NDE1: variants seen among roughly 807,000 people sequenced by gnomAD.
The protein encoded by NDE1 is nudE neurodevelopment protein 1, also known as nuclear distribution protein nudE homolog 1.
A neutral mutation model predicts 43.4 loss-of-function variants in NDE1; 28 were observed. The observed-to-expected ratio is 0.65, with a 90% CI of 0.48 to 0.89. NDE1 has a LOEUF of 0.89. NDE1 is among the 40% of genes least tolerant of loss of function. The pLI, the probability that NDE1 is intolerant of heterozygous loss-of-function variation, is 0.00. For synonymous variants in NDE1, 184 were observed against 172.0 expected, an observed-to-expected ratio of 1.07 and a Z score of -0.55; for missense variants, 441 against 434.1, an observed-to-expected ratio of 1.02 and a Z score of -0.14.
intron 6 of NDE1, among the ~76,000 whole-genome samples, 159 bp downstream of exon 6, chr16:15,691,482 G>A (rs1417411390): frequency 2.6e-5 from 4 of 152,080 alleles, no homozygotes; most frequent in East Asian, 3.9e-4. Flanking sequence ...TCTTGGGGAT[G>A]GGCATTGAGA....
At chr16:15,712,069 A>G (rs2039832464) in intron 8 of NDE1, among the ~76,000 whole-genome samples, 1 of 152,122 alleles carries the variant, frequency 6.6e-6, no homozygotes, top group African/African-American at 2.4e-5. Context: ...CCAAAACGTT[A>G]AGAAGGACCA....
In NDE1 at chr16:15,696,745, G is replaced by A. The variant is rs199730431; in HGVS notation, c.832G>A (p.Val278Met). The change falls in exon 8 of 9, where the codon GTG becomes ATG. Residue 278 changes from valine (V) to methionine (M), a missense_variant. Transcript: ENST00000396354. ...ESKLASCRNL[V>M]YDQSPNRTGG... ...CAAACTCGCTTCCTGCCGGAACCTCGTGTACGATCAGTCCCCAAACCGAAC... is the reference window on the plus strand; with the variant it reads ...CAAACTCGCTTCCTGCCGGAACCTCATGTACGATCAGTCCCCAAACCGAAC... 3.7e-5 allele frequency: 59 copies of A among 1,614,088 alleles called. No homozygotes were observed. The highest frequency in any genetic ancestry group is 6.7e-5 in the Admixed American group (4 of 59,988).
chr16:15,677,761 A>G, intron 3 of NDE1, 40 bp from the exon 4 acceptor site: 3 of 1,613,064 alleles, frequency 1.9e-6, no homozygotes, highest in Non-Finnish European at 2.5e-6. Context: ...CCTTCTCAGA[A>G]GTCTTAAGTC....
chr16:15,660,202 G>C (rs2036976047), intron 1 of NDE1, among the ~76,000 whole-genome samples: 1 of 152,082 alleles, frequency 6.6e-6, no homozygotes, highest in African/African-American at 2.4e-5. Flanking sequence ...TTCTTGCTGG[G>C]TGTGGTGGCT....
In NDE1 at chr16:15,725,146, A is replaced by AC; in HGVS notation, c.*895_*896insC. 1 of 661,156 alleles carries AC rather than the reference A, an allele frequency of 1.5e-6. No individual in the cohort carries two copies. Among genetic ancestry groups the AC allele is most frequent in the Admixed American group, 2.7e-5 (1 of 37,408 alleles). 41.0% of individuals were successfully genotyped at this position (661,156 alleles called of 1,614,324 possible). A position where few individuals can be genotyped will look rare whatever the true frequency, so the allele number is the denominator to read the frequency against. On this transcript the variant is annotated 3_prime_UTR_variant, in exon 9 of 9. Coordinates refer to ENST00000396354, the MANE Select transcript of NDE1 (RefSeq NM_017668.3). ...TATGGGACTCTGATAAAAAAAAAAAAAAACACACACACACACAAAAAAAAC... is the reference window on the plus strand; with the variant it reads ...TATGGGACTCTGATAAAAAAAAAAAACAAACACACACACACACAAAAAAAAC...
At chr16:15,652,452 C>T (rs1246006322) in intron 1 of NDE1, among the ~76,000 whole-genome samples, 1 of 152,180 alleles carries the variant, frequency 6.6e-6, no homozygotes, top group Non-Finnish European at 1.5e-5. Flanking sequence ...TTTGTGCCTG[C>T]AGTTAGTACT....
intron 8 of NDE1, chr16:15,718,285 G>C (rs778120108): frequency 1.9e-6 from 3 of 1,606,422 alleles, no homozygotes; most frequent in African/African-American, 1.3e-5. Context: ...ACAGTAGGCA[G>C]CGTGACTGTG....
chr16:15,696,983 T>C, intron 8 of NDE1, 123 bp downstream of exon 8: 2 of 1,540,418 alleles, frequency 1.3e-6, no homozygotes, highest in South Asian at 1.2e-5. Context: ...CAGCAAACCT[T>C]ATCCTCTCCT....
At chr16:15,650,741 G>T (rs908326008) in intron 1 of NDE1, among the ~76,000 whole-genome samples, 1 of 151,666 alleles carries the variant, frequency 6.6e-6, no homozygotes, top group Non-Finnish European at 1.5e-5. Context: ...GATGACCCTC[G>T]TTTCTTTTCT....
chr16:15,724,291 GC>G lies in NDE1; in HGVS notation c.*42del. 1 of 1,614,130 alleles carries G rather than the reference GC, an allele frequency of 6.2e-7. No individual in the cohort carries two copies. The highest frequency in any genetic ancestry group is 2.2e-5 in the East Asian group (1 of 44,884). On this transcript the variant is annotated 3_prime_UTR_variant, in exon 9 of 9. Transcript: ENST00000396354. ...CTTTTCCAGTTTATCATAAGCGGCC[GC>G]CTTCTCCTCGTACTGCTGGGTGAGG...
chr16:15,719,128 G>A (rs1283538140), intron 8 of NDE1: 21 of 1,339,012 alleles, frequency 1.6e-5, no homozygotes, highest in East Asian at 2.4e-5. Flanking sequence ...ACTCTGTCTC[G>A]AAAAAATTTA....
intron 1 of NDE1, among the ~76,000 whole-genome samples, chr16:15,653,612 A>G (rs1311831887): frequency 6.7e-6 from 1 of 149,636 alleles, no homozygotes; most frequent in East Asian, 2.0e-4. Context: ...GCTGAAAGAG[A>G]TTGCTTTGCT....
chr16:15,715,294 G>T, intron 8 of NDE1: 2 of 1,613,376 alleles, frequency 1.2e-6, no homozygotes, highest in Non-Finnish European at 1.7e-6. Context: ...AAGGAAAACA[G>T]GTGGTTTCAG....
At chr16:15,698,856 TTCTC>T (rs908585975) in intron 8 of NDE1, among the ~76,000 whole-genome samples, 6 of 150,510 alleles carry the variant, frequency 4.0e-5, no homozygotes, top group African/African-American at 1.0e-4. Flanking sequence ...GTGAGACTCT[TTCTC>T]AAGAAAAAAA....
At chr16:15,719,786 G>A (rs2040369871) in intron 8 of NDE1, 2 of 1,595,624 alleles carry the variant, frequency 1.3e-6, no homozygotes, top group Admixed American at 3.3e-5. Flanking sequence ...GTTCAGCTTT[G>A]CACACCCACC....
intron 7 of NDE1, 91 bp downstream of exon 7, chr16:15,694,347 T>C: frequency 6.4e-7 from 1 of 1,550,858 alleles, no homozygotes; most frequent in Non-Finnish European, 8.7e-7. Context: ...CCTCTCTTCT[T>C]TTTTTCTTTT....
At position 15,724,899 on chromosome 16, in the gene NDE1, G is replaced by C; in HGVS notation, c.*648G>C. ...GGCAGGACACTCACCTGGGTGTCCT[G>C]GAGCTGGGAACTGAGGGACGCCACG... On this transcript the variant is annotated 3_prime_UTR_variant, in exon 9 of 9. Coordinates refer to ENST00000396354, the MANE Select transcript of NDE1 (RefSeq NM_017668.3). 6.2e-7 allele frequency: 1 copy of C among 1,614,106 alleles called. No individual in the cohort carries two copies.
Position 15,724,887 on chromosome 16 carries a change from C to T in NDE1, c.*636C>T. ...CCTGGATGATGTGGCAGGACACTCA[C>T]CTGGGTGTCCTGGAGCTGGGAACTG... is the stretch of plus-strand genomic sequence containing the variant. On this transcript the variant is annotated 3_prime_UTR_variant, in exon 9 of 9. Transcript: ENST00000396354. 1 of 1,613,940 alleles carries T rather than the reference C, an allele frequency of 6.2e-7. No homozygotes were observed. Among genetic ancestry groups the T allele is most frequent in the South Asian group, 1.1e-5 (1 of 91,084 alleles).
At chr16:15,710,698 TG>T (rs200632246) in intron 8 of NDE1, among the ~76,000 whole-genome samples, 12 of 150,704 alleles carry the variant, frequency 8.0e-5, no homozygotes, top group South Asian at 2.1e-4. Flanking sequence ...GTTTTTTTTT[TG>T]GAGACAGAGT....
Sources: allele counts gnomAD v4.1 joint callset (sites outside exome capture counted in the v4.1 genomes callset), GRCh38; gene constraint gnomAD v4.1.1; transcripts MANE v1.5; gene names NCBI Gene and HGNC (gene_info 2026-07-23, HGNC 2026-07-21).